CACNA2D4: variants seen among roughly 807,000 people sequenced by gnomAD.
The protein encoded by CACNA2D4 is calcium voltage-gated channel auxiliary subunit alpha2delta 4, also known as voltage-dependent calcium channel subunit alpha-2/delta-4.
A neutral mutation model predicts 163.8 loss-of-function variants in CACNA2D4; 157 were observed. The ratio of observed to expected loss-of-function variants is 0.96; its 90% confidence interval spans 0.84 to 1.09. CACNA2D4 has a LOEUF of 1.09. CACNA2D4 is among the 50% of genes least tolerant of loss of function. CACNA2D4 has a pLI of 0.00. For missense variants in CACNA2D4, 1,410 were observed against 1,479.9 expected (o/e 0.95, Z 0.78); for synonymous variants, 598 against 586.9 (o/e 1.02, Z -0.27).
chr12:1,907,138 T>C (rs954147193), intron 6 of CACNA2D4, among the ~76,000 whole-genome samples: 1 of 152,398 alleles, frequency 6.6e-6, no homozygotes, highest in Non-Finnish European at 1.5e-5. Context: ...AAGAATTGTT[T>C]TATCCTTCTT....
intron 23 of CACNA2D4, among the ~76,000 whole-genome samples, chr12:1,851,651 TTG>T (rs71055202): frequency 0.077 from 9,091 of 118,748 alleles, 474 homozygotes; most frequent in Middle Eastern, 0.11. Context: ...TGGTGTGTGT[TTG>T]TGTGTGTGTG....
At chr12:1,871,342 CGT>C (rs1333150263) in intron 18 of CACNA2D4, among the ~76,000 whole-genome samples, 14 of 118,608 alleles carry the variant, frequency 1.2e-4, no homozygotes, top group Non-Finnish European at 2.0e-4. Context: ...CATGTGTACA[CGT>C]GTGTTGCTGG....
At position 1,812,151 on chromosome 12, in the gene CACNA2D4, G is replaced by A. The variant is rs770617214; in HGVS notation, c.2552-428C>T. ...GAGTGGCACCCTGGAATTCAGGGCC[G>A]TTGCCCTAGCAACTCATGGGCTCCT... is the stretch of plus-strand genomic sequence containing the variant. On this transcript the variant is annotated intron_variant, in intron 26 of 37. Transcript: ENST00000382722. Among the ~76,000 whole-genome samples the A allele has an allele frequency of 5.9e-4, 90 of 152,340 alleles. 3 individuals carry two copies. Among genetic ancestry groups the A allele is most frequent in the Admixed American group, 5.1e-3 (78 of 15,308 alleles).
At chr12:1,887,629 G>C (rs886368483) in intron 6 of CACNA2D4, among the ~76,000 whole-genome samples, 1 of 152,158 alleles carries the variant, frequency 6.6e-6, no homozygotes, top group Non-Finnish European at 1.5e-5. Context: ...CAAATGAATG[G>C]ATATGAAAGA....
chr12:1,821,989 C>G (rs531010098), intron 26 of CACNA2D4: 1 of 152,104 alleles, frequency 6.6e-6, no homozygotes, highest in East Asian at 1.9e-4. Flanking sequence ...GGAGCTGAGG[C>G]GGGGGAAGTC....
chr12:1,847,423 GA>G (rs1384173008), intron 23 of CACNA2D4, among the ~76,000 whole-genome samples: 1 of 152,242 alleles, frequency 6.6e-6, no homozygotes, highest in East Asian at 1.9e-4. Context: ...GCCAGGCTCA[GA>G]GGCTGGACTG....
intron 29 of CACNA2D4, chr12:1,809,291 C>T (rs1863635174): frequency 3.6e-6 from 2 of 548,488 alleles, no homozygotes; most frequent in African/African-American, 1.9e-5. Flanking sequence ...CTGCATCAGC[C>T]TCCACATCCC....
In CACNA2D4 at chr12:1,825,388, G is replaced by A. The variant is rs1277354945; in HGVS notation, c.2552-13665C>T. ...AGGAGTGGGAGCAGACACCTGGATG[G>A]GGAATCCGGCCTCAACATGGGCCCT... is the stretch of plus-strand genomic sequence containing the variant. On this transcript the variant is annotated intron_variant, in intron 26 of 37. Transcript: ENST00000382722. Among the ~76,000 whole-genome samples the A allele has an allele frequency of 2.0e-5, 3 of 152,226 alleles. No individual in the cohort carries two copies. The East Asian group carries it at 5.8e-4, about 29-fold the overall frequency.
chr12:1,800,495 C>T (rs1015846957), intron 31 of CACNA2D4, 57 bp from the exon 32 acceptor site: 1 of 1,540,588 alleles, frequency 6.5e-7, no homozygotes, highest in Non-Finnish European at 9.0e-7. Flanking sequence ...AGGGTGCCCC[C>T]CCCCCACCAC....
At chr12:1,902,561 T>C (rs1565737538) in intron 6 of CACNA2D4, among the ~76,000 whole-genome samples, 1 of 152,100 alleles carries the variant, frequency 6.6e-6, no homozygotes, top group East Asian at 1.9e-4. Context: ...AGCATTTCTA[T>C]ATGCCAACAG....
intron 6 of CACNA2D4, among the ~76,000 whole-genome samples, chr12:1,899,183 G>A (rs552901024): frequency 4.6e-5 from 7 of 152,138 alleles, no homozygotes; most frequent in African/African-American, 1.7e-4. Flanking sequence ...AGAGCTTCTA[G>A]TGGCATAGTG....
chr12:1,842,080 T>G (rs898392984), intron 25 of CACNA2D4, among the ~76,000 whole-genome samples: 6 of 152,100 alleles, frequency 3.9e-5, no homozygotes, highest in African/African-American at 1.4e-4. Flanking sequence ...AGCAGAGGCT[T>G]GTAGGAAACG....
At chr12:1,880,065 T>C (rs1430653141) in intron 13 of CACNA2D4, among the ~76,000 whole-genome samples, 184 bp from the exon 14 acceptor site, 1 of 152,232 alleles carries the variant, frequency 6.6e-6, no homozygotes, top group Admixed American at 6.5e-5. Flanking sequence ...TTGGCAGGAA[T>C]GCTGGGGGCC....
chr12:1,903,355 A>T (rs1565737894), intron 6 of CACNA2D4, among the ~76,000 whole-genome samples: 1 of 152,126 alleles, frequency 6.6e-6, no homozygotes, highest in African/African-American at 2.4e-5. Flanking sequence ...CAAAGCAAAC[A>T]TTGATAAATG....
At position 1,833,232 on chromosome 12, in the gene CACNA2D4, C is replaced by T. The variant is rs550266746; in HGVS notation, c.2551+7507G>A. ...GATGCCTATTGTATGAGGAGACTTG[C>T]GGCAGATGGGCTGCAGAGGGAGCTG... On this transcript the variant is annotated intron_variant, in intron 26 of 37. Transcript: ENST00000382722. This position sits in a 1 kb window ranked among gnomAD's most constrained non-coding sequence, Gnocchi z 4.2. 5.3e-5 allele frequency among the ~76,000 whole-genome samples: 8 copies of T among 152,270 alleles called. No homozygotes were observed. The highest frequency in any genetic ancestry group is 4.2e-4 in the South Asian group (2 of 4,816).
Position 1,828,454 on chromosome 12 carries a change from C to G in CACNA2D4, c.2551+12285G>C, listed in dbSNP as rs558246457. Among the ~76,000 whole-genome samples the G allele has an allele frequency of 6.6e-6, 1 of 152,222 alleles. No homozygotes were observed. The highest frequency in any genetic ancestry group is 1.5e-5 in the Non-Finnish European group (1 of 68,030). ...TGGTTAGACCTGGAGCTGGAGGCCA[C>G]GACAGTTGTTCTACCTCCCCCAGGT... On this transcript the variant is annotated intron_variant, in intron 26 of 37. Coordinates refer to ENST00000382722, the MANE Select transcript of CACNA2D4 (RefSeq NM_172364.5). This position sits in a 1 kb window ranked among gnomAD's most constrained non-coding sequence, Gnocchi z 4.2.
Position 1,884,171 on chromosome 12 carries a change from T to C in CACNA2D4, c.1351+72A>G, listed in dbSNP as rs2429184. On this transcript the variant is annotated intron_variant, in intron 12 of 37. Transcript: ENST00000382722. The stretch of plus-strand genomic sequence containing the variant: ...CCATGGGGAAGCCCGTGCTCAGCAC[T>C]TCCAGGGCTGGGTAACCCTGTCTCC... 1,285,806 of 1,433,022 alleles carry C rather than the reference T, an allele frequency of 0.9. 577,452 individuals carry two copies. The highest frequency in any genetic ancestry group is 1 in the East Asian group (41,823 of 41,840). The allele number at this position is 1,433,022 out of a possible 1,614,324, so 88.8% of individuals were successfully genotyped here.
At chr12:1,858,786 T>A in intron 19 of CACNA2D4, 142 bp from the exon 20 acceptor site, 1 of 512,282 alleles carries the variant, frequency 2.0e-6, no homozygotes, top group Non-Finnish European at 3.3e-6. Flanking sequence ...TGCCCCCTTC[T>A]TTACCTCTGG....
chr12:1,801,677 G>A lies in CACNA2D4; in HGVS notation c.2722-33C>T, dbSNP rs754289211. 7.7e-6 allele frequency: 11 copies of A among 1,437,660 alleles called. No individual in the cohort carries two copies. In the Admixed American group the frequency reaches 9.7e-5, roughly 13 times the overall value. 89.1% of individuals were successfully genotyped at this position (1,437,660 alleles called of 1,614,324 possible). ...AGAGGGACAGCAGAGAGAGAGGGAG[G>A]GAGAGAGATGGAGCAGGATGGAGCC... On this transcript the variant is annotated intron_variant, in intron 29 of 37. Transcript: ENST00000382722.
Sources: allele counts gnomAD v4.1 joint callset (sites outside exome capture counted in the v4.1 genomes callset), GRCh38; gene constraint gnomAD v4.1.1; non-coding constraint Gnocchi (gnomAD v3.1); transcripts MANE v1.5; gene names NCBI Gene and HGNC (gene_info 2026-07-23, HGNC 2026-07-21).